Variants in PCDH15 observed in about 807,000 individuals in gnomAD.
The protein encoded by PCDH15 is protocadherin-15.
In PCDH15, 129 loss-of-function variants were observed where a neutral mutation model predicts 178.5. The observed-to-expected ratio is 0.72, with a 90% CI of 0.63 to 0.84. The LOEUF (loss-of-function observed/expected upper bound fraction) is 0.84. Among genes scored for constraint, PCDH15 ranks in the 40% least tolerant of loss-of-function variants. PCDH15 has a pLI of 0.00. For missense variants in PCDH15, 2,230 were observed against 2,099.9 expected (o/e 1.06, Z -1.21); for synonymous variants, 800 against 732.0 (o/e 1.09, Z -1.50).
intron 14 of PCDH15, among the ~76,000 whole-genome samples, chr10:54,151,212 T>A (rs1157791660): frequency 6.6e-6 from 1 of 152,010 alleles, no homozygotes; most frequent in African/African-American, 2.4e-5. Context: ...AGACAAGCAT[T>A]TTTATTGGAA....
At chr10:54,290,660 A>G (rs1165064205) in intron 8 of PCDH15, among the ~76,000 whole-genome samples, 1 of 152,162 alleles carries the variant, frequency 6.6e-6, no homozygotes, top group Non-Finnish European at 1.5e-5. Flanking sequence ...CATCTCACAT[A>G]CAAAGACGAA....
chr10:54,321,066 T>G (rs910859643), intron 7 of PCDH15, among the ~76,000 whole-genome samples: 4 of 104,396 alleles, frequency 3.8e-5, no homozygotes, highest in South Asian at 2.8e-4. Flanking sequence ...TATTAATGAT[T>G]TTACATTTGA....
At chr10:55,128,205 A>T (rs1446687352) in intron 2 of PCDH15, among the ~76,000 whole-genome samples, 2 of 151,856 alleles carry the variant, frequency 1.3e-5, no homozygotes, top group East Asian at 3.9e-4. Flanking sequence ...CTCCCACCTT[A>T]TATACTCAGA....
chr10:54,266,901 G>A (rs4342932), intron 8 of PCDH15, among the ~76,000 whole-genome samples: 106,504 of 151,440 alleles, frequency 0.7, 38,330 homozygotes, highest in Middle Eastern at 0.76. Flanking sequence ...AAAAAATCGA[G>A]GATGAGAGAT....
At chr10:54,127,630 C>G (rs1452561698) in intron 15 of PCDH15, among the ~76,000 whole-genome samples, 3 of 152,148 alleles carry the variant, frequency 2.0e-5, no homozygotes. Flanking sequence ...TAATTGTTAA[C>G]TCTTATAGTA....
intron 2 of PCDH15, among the ~76,000 whole-genome samples, chr10:55,154,690 A>T (rs1339210286): frequency 6.6e-6 from 1 of 152,146 alleles, no homozygotes; most frequent in Non-Finnish European, 1.5e-5. Flanking sequence ...TGCATAGTGG[A>T]TAATTGGGTG....
intron 3 of PCDH15, among the ~76,000 whole-genome samples, chr10:54,809,848 C>T (rs1194133851): frequency 6.6e-6 from 1 of 152,122 alleles, no homozygotes; most frequent in Non-Finnish European, 1.5e-5. Flanking sequence ...AGAATTTTCC[C>T]ACTTTAATAC....
chr10:55,598,194 T>A (rs1842973296), intron 2 of PCDH15, among the ~76,000 whole-genome samples: 1 of 151,876 alleles, frequency 6.6e-6, no homozygotes, highest in Non-Finnish European at 1.5e-5. Context: ...GTGTTTAAGG[T>A]CTTCAGTCAA....
intron 1 of PCDH15, among the ~76,000 whole-genome samples, chr10:54,708,810 G>C (rs968574712): frequency 6.6e-6 from 1 of 151,610 alleles, no homozygotes; most frequent in Non-Finnish European, 1.5e-5. Flanking sequence ...GTGCGCGCGC[G>C]TGCGTGTGGT....
At chr10:55,428,127 T>C (rs1245530137) in intron 2 of PCDH15, among the ~76,000 whole-genome samples, 2 of 152,034 alleles carry the variant, frequency 1.3e-5, no homozygotes, top group South Asian at 2.1e-4. Context: ...TTGAGTCCTG[T>C]AGAATGAAGT....
intron 26 of PCDH15, among the ~76,000 whole-genome samples, chr10:53,895,943 CT>C (rs2081919517): frequency 6.6e-6 from 1 of 152,092 alleles, no homozygotes; most frequent in Non-Finnish European, 1.5e-5. Context: ...TGAGGTAGAC[CT>C]AACTTTAAAT....
At chr10:54,155,538 T>G (rs761570596) in intron 13 of PCDH15, among the ~76,000 whole-genome samples, 6 of 152,168 alleles carry the variant, frequency 3.9e-5, no homozygotes, top group Non-Finnish European at 8.8e-5. Flanking sequence ...TCAATATAAT[T>G]TGTTTGCATG....
chr10:55,349,784 G>A (rs1247432246), intron 2 of PCDH15, among the ~76,000 whole-genome samples: 1 of 151,990 alleles, frequency 6.6e-6, no homozygotes, highest in Non-Finnish European at 1.5e-5. Context: ...AAGATAATCT[G>A]GCTGAATCCC....
intron 2 of PCDH15, among the ~76,000 whole-genome samples, chr10:55,149,437 G>A (rs1838633845): frequency 6.6e-6 from 1 of 151,710 alleles, no homozygotes; most frequent in African/African-American, 2.4e-5. Flanking sequence ...AAAATTAGAA[G>A]GCAGAATACA....
chr10:54,636,829 A>G (rs1481094915), intron 2 of PCDH15, among the ~76,000 whole-genome samples: 1 of 151,958 alleles, frequency 6.6e-6, no homozygotes, highest in Non-Finnish European at 1.5e-5. Flanking sequence ...TTAATTTCCA[A>G]TATACCATTG....
rs191259072 is a variant in PCDH15, at chr10:54,202,936, C to T, written c.1099-7047G>A. On this transcript the variant is annotated intron_variant, in intron 10 of 37. Coordinates refer to ENST00000644397, the MANE Select transcript of PCDH15 (RefSeq NM_001384140.1). ...CTGTCTGTGGTGGTTATAATGTGAGCAGAATGTACTTTCACAGACATTATT... is the reference window on the plus strand; with the variant it reads ...CTGTCTGTGGTGGTTATAATGTGAGTAGAATGTACTTTCACAGACATTATT... Among the ~76,000 whole-genome samples the T allele has an allele frequency of 6.1e-3, 921 of 152,062 alleles. 9 individuals carry two copies. Among genetic ancestry groups the T allele is most frequent in the African/African-American group, 0.018 (756 of 41,504 alleles).
intron 6 of PCDH15, among the ~76,000 whole-genome samples, chr10:54,334,317 C>T (rs1050185062): frequency 2.0e-5 from 3 of 152,116 alleles, no homozygotes; most frequent in Admixed American, 6.6e-5. Flanking sequence ...GTAACATCCA[C>T]GCCACACACA....
At chr10:54,586,005 T>C (rs1336571725) in intron 2 of PCDH15, among the ~76,000 whole-genome samples, 1 of 151,866 alleles carries the variant, frequency 6.6e-6, no homozygotes, top group Non-Finnish European at 1.5e-5. Context: ...ATTAATAAAA[T>C]TGATTGTTAA....
At chr10:55,531,442 A>G (rs1342253536) in intron 2 of PCDH15, among the ~76,000 whole-genome samples, 3 of 152,006 alleles carry the variant, frequency 2.0e-5, no homozygotes, top group African/African-American at 7.2e-5. Context: ...CTAAAGAGCT[A>G]TTTACCAATG....
Sources: allele counts gnomAD v4.1 joint callset (sites outside exome capture counted in the v4.1 genomes callset), GRCh38; gene constraint gnomAD v4.1.1; transcripts MANE v1.5; gene names NCBI Gene and HGNC (gene_info 2026-07-23, HGNC 2026-07-21).